SCD: variants seen among roughly 807,000 people sequenced by gnomAD.
SCD encodes acyl-CoA desaturase.
SCD carries 4 observed loss-of-function variants against 35.7 expected under a neutral mutation model. The observed-to-expected ratio is 0.11, with a 90% confidence interval of 0.06 to 0.26. SCD has a LOEUF of 0.26. Among genes scored for constraint, SCD ranks in the 10% least tolerant of loss-of-function variants. The probability of loss-of-function intolerance (pLI) is 1.00; values close to 1 mark genes in which losing one functional copy is unlikely to be tolerated. For synonymous variants in SCD, 150 were observed against 170.2 expected, an observed-to-expected ratio of 0.88 and a Z score of 0.92; for missense variants, 282 against 460.7, an observed-to-expected ratio of 0.61 and a Z score of 3.55.
In SCD at chr10:100,362,802, C is replaced by T. The variant is rs1393503396; in HGVS notation, c.*1869C>T. ...AACATCTCTGGCCCAGAAAGCCTCT[C>T]TCTCCCTCCCTCTCTCATGAGGCAC... On this transcript the variant is annotated 3_prime_UTR_variant, in exon 6 of 6. Transcript: ENST00000370355. 1.3e-5 allele frequency: 2 copies of T among 152,340 alleles called. No homozygotes were observed. Among genetic ancestry groups the T allele is most frequent in the Non-Finnish European group, 2.9e-5 (2 of 68,114 alleles). 9.4% of individuals were successfully genotyped at this position (152,340 alleles called of 1,614,324 possible). A position where few individuals can be genotyped will look rare whatever the true frequency, so the allele number is the denominator to read the frequency against.
At chr10:100,355,175 C>CTA (rs1849915662) in intron 4 of SCD, among the ~76,000 whole-genome samples, 5 of 152,168 alleles carry the variant, frequency 3.3e-5, no homozygotes, top group Non-Finnish European at 7.3e-5. Context: ...AAGTTTGTAG[C>CTA]CTATCGGGGT....
chr10:100,363,270 T>C lies in SCD; in HGVS notation c.*2337T>C, dbSNP rs1415412981. The C allele has an allele frequency of 1.3e-5, 2 of 152,382 alleles. No homozygotes were observed. Among genetic ancestry groups the C allele is most frequent in the Non-Finnish European group, 2.9e-5 (2 of 68,158 alleles). The allele number at this position is 152,382 out of a possible 1,614,324, so 9.4% of individuals were successfully genotyped here. ...GAACCTTGGACCACTCCTGTCCCTG[T>C]AGCTCAGTCATCAAAGCAGAAGTCT... On this transcript the variant is annotated 3_prime_UTR_variant, in exon 6 of 6. Transcript: ENST00000370355.
rs1849906232 is a variant in SCD, at chr10:100,354,410, C to T, written c.442-17C>T. ...GTCTATCCTCAAGCCTTACATTCCT[C>T]TTCTCTCTCTCCCCAGAATGATGTC... On this transcript the variant is annotated splice_polypyrimidine_tract_variant and intron_variant, in intron 3 of 5. Coordinates refer to ENST00000370355, the MANE Select transcript of SCD (RefSeq NM_005063.5). 6.2e-7 allele frequency: 1 copy of T among 1,610,046 alleles called. No individual in the cohort carries two copies. The highest frequency in any genetic ancestry group is 1.3e-5 in the African/African-American group (1 of 74,878).
Position 100,358,598 on chromosome 10 carries a change from C to CAAA in SCD, c.880+1851_880+1853dup, listed in dbSNP as rs547927999. On this transcript the variant is annotated intron_variant, in intron 5 of 5. Coordinates refer to ENST00000370355, the MANE Select transcript of SCD (RefSeq NM_005063.5). The stretch of plus-strand genomic sequence containing the variant: ...TGGGCGACAGAGCGAGACTCCGTCT[C>CAAA]AAAAAAAAAAAAAAAAAAAGATTTA... Among the ~76,000 whole-genome samples, 433 of 78,336 alleles carry CAAA rather than the reference C, an allele frequency of 5.5e-3. 13 individuals carry two copies. Among genetic ancestry groups the CAAA allele is most frequent in the Admixed American group, 7.3e-3 (49 of 6,680 alleles). 51.4% of individuals were successfully genotyped at this position (78,336 alleles called of 152,430 possible). A position where few individuals can be genotyped will look rare whatever the true frequency, so the allele number is the denominator to read the frequency against.
At chr10:100,349,637 C>T (rs1849850423) in intron 2 of SCD, among the ~76,000 whole-genome samples, 1 of 152,132 alleles carries the variant, frequency 6.6e-6, no homozygotes, top group Non-Finnish European at 1.5e-5. Context: ...CTAGGTACCA[C>T]CTGTGGGCAA....
chr10:100,347,377 G>C lies in SCD; in HGVS notation c.-128G>C, dbSNP rs2133590251. 1 of 1,052,202 alleles carries C rather than the reference G, an allele frequency of 9.5e-7. No homozygotes were observed. The highest frequency in any genetic ancestry group is 2.6e-5 in the East Asian group (1 of 39,160). The allele number at this position is 1,052,202 out of a possible 1,614,324, so 65.2% of individuals were successfully genotyped here. ...GCACCGCGGCTAGCGCCGACAACCA[G>C]CTAGCGTGCAAGGCGCCGCGGCTCA... On this transcript the variant is annotated 5_prime_UTR_variant, in exon 1 of 6. Transcript: ENST00000370355.
chr10:100,359,190 CTGT>C (rs1413924682), intron 5 of SCD, among the ~76,000 whole-genome samples: 4 of 152,118 alleles, frequency 2.6e-5, no homozygotes, highest in Middle Eastern at 6.3e-3. Context: ...AATATCTGAC[CTGT>C]TGTTGTTATC....
rs868096350 is a variant in SCD at position 100,352,833 on chromosome 10, C to T, written c.441+337C>T. 6.6e-6 allele frequency among the ~76,000 whole-genome samples: 1 copy of T among 152,164 alleles called. No homozygotes were observed. The highest frequency in any genetic ancestry group is 2.4e-5 in the African/African-American group (1 of 41,426). ...TAAGCCAGAGACTGACCTTAGATTC[C>T]TGGGCAGACACTGGACAATAAATTC... On this transcript the variant is annotated intron_variant, in intron 3 of 5. Transcript: ENST00000370355. The surrounding 1 kb of genome is among the most constrained non-coding windows in gnomAD (Gnocchi z 4.2).
At position 100,348,303 on chromosome 10, in the gene SCD, G is replaced by T; in HGVS notation, c.267G>T (p.Gly89=). The change falls in exon 2 of 6, where the codon GGG becomes GGT. Residue 89 remains glycine, a synonymous_variant. Coordinates refer to ENST00000370355, the MANE Select transcript of SCD (RefSeq NM_005063.5). ...TGCTACACTTGGGAGCCCTGTATGG[G>T]ATCACTTTGATTCCTACCTGCAAGT... ...MSLLHLGALY[G]ITLIPTCKFY... The T allele has an allele frequency of 6.2e-7, 1 of 1,613,678 alleles. No homozygotes were observed. Among genetic ancestry groups the T allele is most frequent in the Non-Finnish European group, 8.5e-7 (1 of 1,179,864 alleles).
At chr10:100,353,192 T>C (rs1337606395) in intron 3 of SCD, among the ~76,000 whole-genome samples, 1 of 152,112 alleles carries the variant, frequency 6.6e-6, no homozygotes, top group Non-Finnish European at 1.5e-5. Flanking sequence ...ATTTTACAGA[T>C]GAGGAAACCA....
intron 2 of SCD, among the ~76,000 whole-genome samples, chr10:100,349,047 G>A (rs748072776): frequency 5.9e-5 from 9 of 152,128 alleles, no homozygotes; most frequent in Admixed American, 3.3e-4. Flanking sequence ...TCCATCCCCC[G>A]TCCAGCCTGC....
At chr10:100,350,852 G>C (rs1849863978) in intron 2 of SCD, among the ~76,000 whole-genome samples, 1 of 152,176 alleles carries the variant, frequency 6.6e-6, no homozygotes, top group South Asian at 2.1e-4. Context: ...CACTTGGCTT[G>C]AGGGCAGATC....
intron 5 of SCD, among the ~76,000 whole-genome samples, chr10:100,357,443 AC>A (rs1297202907): frequency 6.6e-6 from 1 of 152,160 alleles, no homozygotes; most frequent in African/African-American, 2.4e-5. Flanking sequence ...CATCAAAATA[AC>A]TGCTGGTGGC....
chr10:100,354,323 T>G, intron 3 of SCD, 104 bp from the exon 4 acceptor site: 23 of 960,568 alleles, frequency 2.4e-5, no homozygotes, highest in Non-Finnish European at 3.2e-5. Flanking sequence ...GGGTATTTTG[T>G]GAGGTTGGGC....
chr10:100,347,306 C>T lies in SCD; in HGVS notation c.-199C>T, dbSNP rs200839489. Reference sequence around the variant, plus strand: ...CTGAGGAAATACCGGACACGGTCACCCGTTGCCAGCTCTAGCCTTTAAATT... The same window carrying T: ...CTGAGGAAATACCGGACACGGTCACTCGTTGCCAGCTCTAGCCTTTAAATT... On this transcript the variant is annotated 5_prime_UTR_variant, in exon 1 of 6. Transcript: ENST00000370355. 2.1e-5 allele frequency: 14 copies of T among 654,090 alleles called. No individual in the cohort carries two copies. The highest frequency in any genetic ancestry group is 2.0e-4 in the African/African-American group (11 of 55,384). 40.5% of individuals were successfully genotyped at this position (654,090 alleles called of 1,614,324 possible).
chr10:100,359,544 A>G (rs958795076), intron 5 of SCD, among the ~76,000 whole-genome samples: 5 of 152,212 alleles, frequency 3.3e-5, no homozygotes, highest in Non-Finnish European at 2.9e-5. Context: ...ATGGACATTA[A>G]TAATCCTCAG....
At chr10:100,348,659 A>G (rs1346184300) in intron 2 of SCD, among the ~76,000 whole-genome samples, 2 of 151,862 alleles carry the variant, frequency 1.3e-5, no homozygotes, top group East Asian at 3.9e-4. Context: ...TGCCTGTCCC[A>G]CCCCTGCCAG....
rs201899393 is a variant in SCD, at chr10:100,348,207, C to A, written c.171C>A (p.Pro57=). Reference sequence around the variant, plus strand: ...ATATAAAAGATGATATATATGACCCCACCTACAAGGATAAGGAAGGCCCAA... The same window carrying A: ...ATATAAAAGATGATATATATGACCCAACCTACAAGGATAAGGAAGGCCCAA... ...RPDIKDDIYD[P]TYKDKEGPSP... The change falls in exon 2 of 6, where the codon CCC becomes CCA. Residue 57 remains proline (P), a synonymous_variant. Coordinates refer to ENST00000370355, the MANE Select transcript of SCD (RefSeq NM_005063.5). 29 of 1,613,978 alleles carry A rather than the reference C, an allele frequency of 1.8e-5. No homozygotes were observed. The highest frequency in any genetic ancestry group is 2.5e-5 in the Non-Finnish European group (29 of 1,180,032).
At chr10:100,348,571 T>C (rs1414537618) in intron 2 of SCD, among the ~76,000 whole-genome samples, 1 of 120,018 alleles carries the variant, frequency 8.3e-6, no homozygotes, top group African/African-American at 3.6e-5. Context: ...AACCTTGTGC[T>C]TGTGGGCTTT....
Sources: gnomAD v4.1 joint callset for allele counts (sites outside exome capture counted in the v4.1 genomes callset) on GRCh38, gnomAD v4.1.1 for gene constraint, Gnocchi (gnomAD v3.1) non-coding constraint, MANE v1.5 for transcripts, NCBI Gene and HGNC (gene_info 2026-07-23, HGNC 2026-07-21) for gene names.